Variants in NKAIN2 observed in about 807,000 individuals in gnomAD.
NKAIN2 encodes sodium/potassium-transporting ATPase subunit beta-1-interacting protein 2.
A neutral mutation model predicts 32.6 loss-of-function variants in NKAIN2; 14 were observed. That is an observed-to-expected ratio of 0.43 (90% CI 0.28 to 0.67). The LOEUF is 0.67. Among genes scored for constraint, NKAIN2 ranks in the 30% least tolerant of loss-of-function variants. The probability of loss-of-function intolerance (pLI) is 0.17; values close to 1 mark genes in which losing one functional copy is unlikely to be tolerated. For synonymous variants in NKAIN2, 80 were observed against 87.2 expected, an observed-to-expected ratio of 0.92 and a Z score of 0.46; for missense variants, 198 against 258.3, an observed-to-expected ratio of 0.77 and a Z score of 1.60.
At chr6:124,076,722 G>A (rs997837943) in intron 1 of NKAIN2, among the ~76,000 whole-genome samples, 8 of 152,142 alleles carry the variant, frequency 5.3e-5, no homozygotes, top group South Asian at 4.1e-4. Context: ...ATGAGTTTGC[G>A]GTCAAGAAAG....
chr6:124,519,065 G>A lies in NKAIN2; in HGVS notation c.274-139121G>A, dbSNP rs1454308580. Among the ~76,000 whole-genome samples, 3 of 152,178 alleles carry A rather than the reference G, an allele frequency of 2.0e-5. 1 individual carries two copies. The highest frequency in any genetic ancestry group is 4.1e-4 in the South Asian group (2 of 4,830). Reference sequence around the variant, plus strand: ...GGCAGATGTGGACAGATAATTGGCTGACAGTCAAGTTGGGAAATAGAGCAG... The same window carrying A: ...GGCAGATGTGGACAGATAATTGGCTAACAGTCAAGTTGGGAAATAGAGCAG... On this transcript the variant is annotated intron_variant, in intron 3 of 6. Transcript: ENST00000368417.
chr6:124,710,137 G>C (rs540717952), intron 4 of NKAIN2, among the ~76,000 whole-genome samples: 2 of 151,026 alleles, frequency 1.3e-5, no homozygotes, highest in African/African-American at 4.9e-5. Context: ...GTAGTTGAGC[G>C]GTTTTGAGTG....
intron 1 of NKAIN2, among the ~76,000 whole-genome samples, chr6:124,025,527 C>T (rs6910312): frequency 0.25 from 37,885 of 151,950 alleles, 6,426 homozygotes; most frequent in African/African-American, 0.48. Context: ...GTCTATTCTT[C>T]CTTTCATGGC....
At chr6:124,003,577 G>A (rs1779959814) in intron 1 of NKAIN2, among the ~76,000 whole-genome samples, 1 of 152,046 alleles carries the variant, frequency 6.6e-6, no homozygotes, top group South Asian at 2.1e-4. Flanking sequence ...TTTAATTCTG[G>A]GGGCATTAAT....
At chr6:123,810,068 T>C (rs1773392667) in intron 1 of NKAIN2, among the ~76,000 whole-genome samples, 1 of 152,144 alleles carries the variant, frequency 6.6e-6, no homozygotes, top group Non-Finnish European at 1.5e-5. Context: ...TGGCTAAATA[T>C]GTTTTTTTTT....
intron 3 of NKAIN2, among the ~76,000 whole-genome samples, chr6:124,381,155 A>G (rs1772616791): frequency 6.6e-6 from 1 of 152,188 alleles, no homozygotes; most frequent in African/African-American, 2.4e-5. Flanking sequence ...ATTAAGCTAT[A>G]GACATTATAG....
intron 4 of NKAIN2, among the ~76,000 whole-genome samples, chr6:124,700,742 C>T (rs1338975772): frequency 6.6e-6 from 1 of 151,758 alleles, no homozygotes; most frequent in Non-Finnish European, 1.5e-5. Context: ...GAAAAATACA[C>T]CTAAAAAAAT....
intron 4 of NKAIN2, among the ~76,000 whole-genome samples, chr6:124,691,257 T>C (rs1158430201): frequency 1.3e-5 from 2 of 152,120 alleles, no homozygotes; most frequent in African/African-American, 4.8e-5. Flanking sequence ...CTATCCCCAT[T>C]GACCAGATGG....
At chr6:124,813,176 C>T (rs1780984597) in intron 5 of NKAIN2, among the ~76,000 whole-genome samples, 1 of 152,014 alleles carries the variant, frequency 6.6e-6, no homozygotes, top group African/African-American at 2.4e-5. Context: ...ATGCTACCCT[C>T]TTAAAGATAC....
At chr6:124,229,931 G>A (rs1417090859) in intron 1 of NKAIN2, among the ~76,000 whole-genome samples, 1 of 152,146 alleles carries the variant, frequency 6.6e-6, no homozygotes, top group Non-Finnish European at 1.5e-5. Context: ...GTAGGGTGGG[G>A]CATTGCTGAA....
chr6:123,876,735 G>T (rs1305830702), intron 1 of NKAIN2, among the ~76,000 whole-genome samples: 2 of 152,166 alleles, frequency 1.3e-5, no homozygotes, highest in Non-Finnish European at 2.9e-5. Context: ...GTCCTCCAGG[G>T]ATTGGATGCT....
At chr6:124,348,215 C>T (rs1175245656) in intron 2 of NKAIN2, among the ~76,000 whole-genome samples, 1 of 152,042 alleles carries the variant, frequency 6.6e-6, no homozygotes, top group Non-Finnish European at 1.5e-5. Flanking sequence ...CAGAGTTGTA[C>T]CCGGCTGTGT....
At chr6:123,977,543 T>C (rs755872575) in intron 1 of NKAIN2, among the ~76,000 whole-genome samples, 2 of 152,110 alleles carry the variant, frequency 1.3e-5, no homozygotes, top group Non-Finnish European at 2.9e-5. Flanking sequence ...AACTCAGTAG[T>C]AGAGTTGTGA....
chr6:124,462,911 G>GA (rs1430615508), intron 3 of NKAIN2, among the ~76,000 whole-genome samples: 1 of 152,002 alleles, frequency 6.6e-6, no homozygotes. Flanking sequence ...ATCTTAGGAA[G>GA]AAAATCTTAA....
At chr6:124,259,801 G>T (rs1414610136) in intron 1 of NKAIN2, among the ~76,000 whole-genome samples, 1 of 152,064 alleles carries the variant, frequency 6.6e-6, no homozygotes, top group Non-Finnish European at 1.5e-5. Flanking sequence ...TGCTGCAGGT[G>T]GGGTGATCTC....
chr6:124,565,136 A>G lies in NKAIN2; in HGVS notation c.274-93050A>G, dbSNP rs554539603. ...TGTTGTTGAACTCAGGGAGAGTCTC[A>G]CAGGGCAATAGAGGTATCATAGCCA... On this transcript the variant is annotated intron_variant, in intron 3 of 6. Coordinates refer to ENST00000368417, the MANE Select transcript of NKAIN2 (RefSeq NM_001040214.3). Among the ~76,000 whole-genome samples the G allele has an allele frequency of 2.4e-3, 367 of 152,240 alleles. 1 individual carries two copies. Among genetic ancestry groups the G allele is most frequent in the African/African-American group, 8.6e-3 (358 of 41,546 alleles).
At chr6:124,369,000 A>G (rs1799636050) in intron 3 of NKAIN2, among the ~76,000 whole-genome samples, 1 of 152,190 alleles carries the variant, frequency 6.6e-6, no homozygotes, top group Non-Finnish European at 1.5e-5. Context: ...TCCTACTAAA[A>G]CAATGCTAAT....
intron 4 of NKAIN2, among the ~76,000 whole-genome samples, chr6:124,693,548 G>A (rs1309136756): frequency 1.3e-5 from 2 of 152,144 alleles, no homozygotes; most frequent in Non-Finnish European, 2.9e-5. Flanking sequence ...AAAAAGCCCA[G>A]ATAATAGGGT....
chr6:123,918,528 T>C (rs918929287), intron 1 of NKAIN2, among the ~76,000 whole-genome samples: 1 of 152,196 alleles, frequency 6.6e-6, no homozygotes, highest in South Asian at 2.1e-4. Context: ...TGGTGGCTAC[T>C]GTGTTGGTTA....
Sources: allele counts gnomAD v4.1 joint callset (sites outside exome capture counted in the v4.1 genomes callset), GRCh38; gene constraint gnomAD v4.1.1; transcripts MANE v1.5; gene names NCBI Gene and HGNC (gene_info 2026-07-23, HGNC 2026-07-21).